Variants in NEGR1 observed in about 807,000 individuals in gnomAD.
NEGR1 encodes the protein neuronal growth regulator 1.
A neutral mutation model predicts 40.9 loss-of-function variants in NEGR1; 10 were observed. That is an observed-to-expected ratio of 0.24 (90% CI 0.15 to 0.42). The LOEUF (loss-of-function observed/expected upper bound fraction) is 0.42, where lower values mean the gene tolerates loss of function less well. Ranked by LOEUF, NEGR1 falls within the 10% of genes least tolerant of loss-of-function variation. The pLI is 1.00. For missense variants in NEGR1, 352 were observed against 438.9 expected (o/e 0.80, Z 1.77); for synonymous variants, 185 against 166.8 (o/e 1.11, Z -0.84).
At chr1:72,095,746 T>G (rs2100231735) in intron 1 of NEGR1, among the ~76,000 whole-genome samples, 1 of 152,284 alleles carries the variant, frequency 6.6e-6, no homozygotes, top group African/African-American at 2.4e-5. Flanking sequence ...ACTAAAATTT[T>G]GGAATCCACT....
At chr1:71,790,984 G>A (rs1245917957) in intron 2 of NEGR1, among the ~76,000 whole-genome samples, 1 of 151,966 alleles carries the variant, frequency 6.6e-6, no homozygotes, top group Non-Finnish European at 1.5e-5. Context: ...TGGGGAAGAG[G>A]AGGAGAAAAA....
intron 6 of NEGR1, among the ~76,000 whole-genome samples, chr1:71,536,988 C>G (rs936158768): frequency 6.6e-6 from 1 of 151,538 alleles, no homozygotes; most frequent in Non-Finnish European, 1.5e-5. Flanking sequence ...TATAGATTTC[C>G]TTATACTATT....
chr1:71,789,599 T>G (rs1027245714), intron 2 of NEGR1, among the ~76,000 whole-genome samples: 2 of 152,114 alleles, frequency 1.3e-5, no homozygotes, highest in Admixed American at 6.6e-5. Flanking sequence ...AAGTACTAAG[T>G]GTATAAAATA....
At chr1:71,503,933 T>TG (rs1647015065) in intron 6 of NEGR1, among the ~76,000 whole-genome samples, 1 of 150,994 alleles carries the variant, frequency 6.6e-6, no homozygotes. Context: ...TGATCCTGAA[T>TG]GGGATAATAG....
intron 3 of NEGR1, among the ~76,000 whole-genome samples, chr1:71,737,929 C>T (rs1039456071): frequency 6.6e-6 from 1 of 152,122 alleles, no homozygotes; most frequent in Non-Finnish European, 1.5e-5. Context: ...TCGGTTTAGG[C>T]AACTGTGTCT....
intron 6 of NEGR1, among the ~76,000 whole-genome samples, chr1:71,562,877 C>T (rs776508292): frequency 6.6e-6 from 1 of 151,960 alleles, no homozygotes; most frequent in Non-Finnish European, 1.5e-5. Flanking sequence ...ATATCACTTA[C>T]CTGGCTCATA....
intron 1 of NEGR1, among the ~76,000 whole-genome samples, chr1:71,939,117 A>G (rs1271388817): frequency 6.6e-6 from 1 of 152,060 alleles, no homozygotes; most frequent in East Asian, 1.9e-4. Flanking sequence ...TGCTTCCAAC[A>G]AGTCAGGCAT....
At chr1:71,434,194 G>GA (rs1159553215) in intron 6 of NEGR1, among the ~76,000 whole-genome samples, 1 of 151,942 alleles carries the variant, frequency 6.6e-6, no homozygotes, top group Non-Finnish European at 1.5e-5. Context: ...AACAAATTAA[G>GA]AAAAAATTAT....
chr1:71,743,542 A>G (rs1255921094), intron 3 of NEGR1, among the ~76,000 whole-genome samples: 1 of 152,098 alleles, frequency 6.6e-6, no homozygotes, highest in Non-Finnish European at 1.5e-5. Flanking sequence ...GTCTTTCAGT[A>G]TGGTATTTTT....
rs189997017 is a variant in NEGR1 at position 71,440,180 on chromosome 1, T to C, written c.941-32610A>G. On this transcript the variant is annotated intron_variant, in intron 6 of 6. Transcript: ENST00000357731. ...ATAAGTATCTTCACCCAAAATATAT[T>C]GTATTTTATTCTCTAAGTAAATCAG... Among the ~76,000 whole-genome samples the C allele has an allele frequency of 4.7e-3, 720 of 152,326 alleles. 5 individuals are homozygous for C. The highest frequency in any genetic ancestry group is 0.016 in the African/African-American group (649 of 41,582).
intron 6 of NEGR1, among the ~76,000 whole-genome samples, chr1:71,557,694 C>G (rs1607275): frequency 0.37 from 55,735 of 151,254 alleles, 10,669 homozygotes; most frequent in East Asian, 0.68. Context: ...CTTATATAAC[C>G]ATGGGACAAT....
At chr1:71,520,073 T>A (rs1176400873) in intron 6 of NEGR1, among the ~76,000 whole-genome samples, 1 of 151,890 alleles carries the variant, frequency 6.6e-6, no homozygotes, top group East Asian at 1.9e-4. Flanking sequence ...GGTGAGAAGG[T>A]GGGATGAGAA....
intron 1 of NEGR1, among the ~76,000 whole-genome samples, chr1:72,229,793 G>T (rs1425631908): frequency 6.6e-6 from 1 of 151,884 alleles, no homozygotes; most frequent in African/African-American, 2.4e-5. Context: ...CTCCTAATAA[G>T]AAAATCTGTT....
chr1:71,832,330 T>TTCATCAGAGATACA (rs1658870751), intron 2 of NEGR1, among the ~76,000 whole-genome samples: 1 of 152,012 alleles, frequency 6.6e-6, no homozygotes, highest in Non-Finnish European at 1.5e-5. Context: ...CTGAAAGCTC[T>TTCATCAGAGATACA]TCATCAGAGA....
chr1:71,419,646 G>T (rs1646380620), intron 6 of NEGR1, among the ~76,000 whole-genome samples: 2 of 152,066 alleles, frequency 1.3e-5, no homozygotes, highest in South Asian at 4.1e-4. Context: ...ACTGCTTAAT[G>T]AAAGTTTTGT....
At chr1:71,840,396 T>A (rs950622975) in intron 2 of NEGR1, among the ~76,000 whole-genome samples, 1 of 152,152 alleles carries the variant, frequency 6.6e-6, no homozygotes, top group East Asian at 1.9e-4. Context: ...AAAAAAGATA[T>A]ATCTAATAAG....
chr1:71,706,695 GC>G, intron 3 of NEGR1, among the ~76,000 whole-genome samples: 1 of 151,772 alleles, frequency 6.6e-6, no homozygotes, highest in Middle Eastern at 3.4e-3. Flanking sequence ...GACTCAAAAG[GC>G]CCCCATTCCA....
intron 2 of NEGR1, among the ~76,000 whole-genome samples, chr1:71,876,871 G>C (rs183701180): frequency 2.2e-4 from 34 of 152,110 alleles, no homozygotes; most frequent in African/African-American, 7.9e-4. Context: ...ATGAGTGATC[G>C]AATGAGATAA....
At chr1:72,239,663 A>G (rs1011446335) in intron 1 of NEGR1, among the ~76,000 whole-genome samples, 3 of 151,724 alleles carry the variant, frequency 2.0e-5, no homozygotes, top group Non-Finnish European at 4.4e-5. Context: ...AGGATAAACC[A>G]TTTAAATTAA....
Sources: gnomAD v4.1 joint callset for allele counts (sites outside exome capture counted in the v4.1 genomes callset) on GRCh38, gnomAD v4.1.1 for gene constraint, MANE v1.5 for transcripts, NCBI Gene and HGNC (gene_info 2026-07-23, HGNC 2026-07-21) for gene names.